The following NAV3 variants were observed in gnomAD, a reference collection of about 807,000 sequenced individuals.
NAV3 encodes neuron navigator 3, also known as pore membrane and/or filament interacting like protein 1.
A neutral mutation model predicts 244.7 loss-of-function variants in NAV3; 87 were observed. The observed-to-expected ratio is 0.36, with a 90% CI of 0.30 to 0.42. The LOEUF (loss-of-function observed/expected upper bound fraction) is 0.42. Ranked by LOEUF, NAV3 falls within the 20% of genes least tolerant of loss-of-function variation. NAV3 has a pLI of 1.00. For missense variants in NAV3, 2,663 were observed against 2,893.3 expected (o/e 0.92, Z 1.83); for synonymous variants, 1,126 against 1,042.2 (o/e 1.08, Z -1.55).
intron 2 of NAV3, among the ~76,000 whole-genome samples, chr12:77,738,291 C>T (rs1183691640): frequency 6.6e-6 from 1 of 152,108 alleles, no homozygotes; most frequent in Non-Finnish European, 1.5e-5. Flanking sequence ...ATGCCAAATC[C>T]TATGGATTTC....
At chr12:78,183,025 C>T (rs1458446445) in intron 30 of NAV3, among the ~76,000 whole-genome samples, 7 of 151,882 alleles carry the variant, frequency 4.6e-5, no homozygotes, top group Admixed American at 2.6e-4. Flanking sequence ...ATGTTCCTTG[C>T]ATCCAGTAAA....
intron 1 of NAV3, among the ~76,000 whole-genome samples, chr12:77,866,554 CTAAT>C (rs2136394533): frequency 6.6e-6 from 1 of 152,266 alleles, no homozygotes; most frequent in Non-Finnish European, 1.5e-5. Flanking sequence ...CACATCAAGA[CTAAT>C]AAATAAGATT....
intron 2 of NAV3, among the ~76,000 whole-genome samples, chr12:77,733,507 C>T (rs559595797): frequency 1.3e-5 from 2 of 151,974 alleles, no homozygotes; most frequent in Admixed American, 1.3e-4. Context: ...TATAAATCAC[C>T]TGTATAAATT....
At chr12:78,146,658 C>T (rs1174559186) in intron 21 of NAV3, among the ~76,000 whole-genome samples, 1 of 152,100 alleles carries the variant, frequency 6.6e-6, no homozygotes, top group Admixed American at 6.6e-5. Context: ...AGTAAGCACT[C>T]ATTAAGTCAT....
At chr12:77,780,595 T>G (rs1201566738) in intron 2 of NAV3, among the ~76,000 whole-genome samples, 1 of 152,068 alleles carries the variant, frequency 6.6e-6, no homozygotes, top group African/African-American at 2.4e-5. Context: ...GATTGGTCAG[T>G]GTGTTTGCTA....
chr12:78,090,514 A>C (rs1953869800), intron 12 of NAV3, among the ~76,000 whole-genome samples: 1 of 152,102 alleles, frequency 6.6e-6, no homozygotes, highest in Non-Finnish European at 1.5e-5. Flanking sequence ...AGATTAATGT[A>C]AAGTATATGA....
At chr12:77,887,426 C>A (rs143462025) in intron 1 of NAV3, among the ~76,000 whole-genome samples, 20 of 152,092 alleles carry the variant, frequency 1.3e-4, no homozygotes, top group African/African-American at 4.8e-4. Context: ...AAACCAGTAT[C>A]CAGGGAAAGA....
chr12:78,145,686 A>G (rs1265563886), intron 20 of NAV3, among the ~76,000 whole-genome samples: 1 of 152,192 alleles, frequency 6.6e-6, no homozygotes, highest in Non-Finnish European at 1.5e-5. Flanking sequence ...TTCCTATGGC[A>G]GTCCTCCTTT....
chr12:77,702,841 T>TAGGCTTTATTTCATATA (rs67731414), intron 2 of NAV3, among the ~76,000 whole-genome samples: 1 of 151,532 alleles, frequency 6.6e-6, no homozygotes, highest in African/African-American at 2.4e-5. Flanking sequence ...ATTTTGTATT[T>TAGGCTTTATTTCATATA]GCCTCTATAT....
At chr12:77,923,873 A>G (rs886861231) in intron 1 of NAV3, among the ~76,000 whole-genome samples, 2 of 152,144 alleles carry the variant, frequency 1.3e-5, no homozygotes. Flanking sequence ...TAAATTAGTA[A>G]AAAGATAACC....
chr12:78,195,966 T>A (rs1262749116), intron 34 of NAV3, among the ~76,000 whole-genome samples: 2 of 152,056 alleles, frequency 1.3e-5, no homozygotes, highest in Non-Finnish European at 2.9e-5. Flanking sequence ...TTAAACCTAC[T>A]TAAACTCCAT....
chr12:78,118,679 A>G (rs1955530089), intron 14 of NAV3, among the ~76,000 whole-genome samples: 1 of 152,226 alleles, frequency 6.6e-6, no homozygotes, highest in South Asian at 2.1e-4. Context: ...GAATTGCACT[A>G]CAGACTCTGA....
At chr12:77,876,513 G>A (rs1881871715) in intron 1 of NAV3, among the ~76,000 whole-genome samples, 1 of 152,060 alleles carries the variant, frequency 6.6e-6, no homozygotes, top group Non-Finnish European at 1.5e-5. Context: ...GCATACACAT[G>A]TGCATTTAAT....
intron 2 of NAV3, among the ~76,000 whole-genome samples, chr12:77,682,474 A>G (rs1294808168): frequency 6.6e-6 from 1 of 152,160 alleles, no homozygotes; most frequent in East Asian, 1.9e-4. Context: ...GGGAGGACAG[A>G]TATCTCTTCC....
intron 8 of NAV3, among the ~76,000 whole-genome samples, chr12:78,008,920 G>GA (rs527942554): frequency 7.2e-5 from 11 of 151,808 alleles, no homozygotes; most frequent in South Asian, 6.2e-4. Flanking sequence ...AAAAACGTGA[G>GA]AAAAAAAATC....
At chr12:77,832,889 G>A (rs1873963107) in intron 1 of NAV3, among the ~76,000 whole-genome samples, 3 of 151,990 alleles carry the variant, frequency 2.0e-5, no homozygotes, top group African/African-American at 7.3e-5. Context: ...CTCGTCTCTG[G>A]CTTCTTAGGA....
chr12:78,075,889 C>G (rs1953024766), intron 12 of NAV3, among the ~76,000 whole-genome samples: 1 of 152,164 alleles, frequency 6.6e-6, no homozygotes, highest in Admixed American at 6.5e-5. Flanking sequence ...ATTCAGGGTT[C>G]AAATCCAGTG....
chr12:78,185,501 C>T (rs1214861317), intron 30 of NAV3, 100 bp from the exon 31 acceptor site: 5 of 997,820 alleles, frequency 5.0e-6, no homozygotes, highest in African/African-American at 1.6e-5. Flanking sequence ...AAGCAAATCC[C>T]ATTGAAAGAT....
intron 2 of NAV3, among the ~76,000 whole-genome samples, chr12:77,592,312 A>G (rs1869943664): frequency 6.6e-6 from 1 of 152,206 alleles, no homozygotes; most frequent in African/African-American, 2.4e-5. Context: ...CCTAATCTAA[A>G]GCAGAGAAGA....
Sources: allele counts gnomAD v4.1 joint callset (sites outside exome capture counted in the v4.1 genomes callset), GRCh38; gene constraint gnomAD v4.1.1; transcripts MANE v1.5; gene names NCBI Gene and HGNC (gene_info 2026-07-23, HGNC 2026-07-21).